Variants in EGFR observed in about 807,000 individuals in gnomAD.
EGFR encodes epidermal growth factor receptor.
In EGFR, 58 loss-of-function variants were observed where a neutral mutation model predicts 143.0. The ratio of observed to expected loss-of-function variants is 0.41; its 90% confidence interval spans 0.33 to 0.50. EGFR has a LOEUF of 0.50. EGFR is among the 20% of genes least tolerant of loss of function. The probability of loss-of-function intolerance (pLI) is 0.39; values close to 1 mark genes in which losing one functional copy is unlikely to be tolerated. For synonymous variants in EGFR, 613 were observed against 594.4 expected, an observed-to-expected ratio of 1.03 and a Z score of -0.45; for missense variants, 1,307 against 1,579.0, an observed-to-expected ratio of 0.83 and a Z score of 2.92.
chr7:55,051,917 T>A (rs181012738), intron 1 of EGFR, among the ~76,000 whole-genome samples: 1 of 152,330 alleles, frequency 6.6e-6, no homozygotes, highest in Admixed American at 6.5e-5. Context: ...TTCCTTCTCA[T>A]CTTGCAGAAT....
At chr7:55,036,290 G>C (rs1289062886) in intron 1 of EGFR, among the ~76,000 whole-genome samples, 2 of 121,456 alleles carry the variant, frequency 1.6e-5, no homozygotes, top group Admixed American at 8.7e-5. Context: ...GGGGGTGGGT[G>C]TGTGTGTGTA....
intron 2 of EGFR, 25 bp from the exon 3 acceptor site, chr7:55,143,280 A>T (rs1794569920): frequency 6.2e-7 from 1 of 1,613,950 alleles, no homozygotes; most frequent in Non-Finnish European, 8.5e-7. Flanking sequence ...AAGAGAAATC[A>T]CGCATTTATG....
chr7:55,102,318 A>G (rs1791880043), intron 1 of EGFR, among the ~76,000 whole-genome samples: 1 of 152,064 alleles, frequency 6.6e-6, no homozygotes, highest in African/African-American at 2.4e-5. Flanking sequence ...CCCTCCAGGA[A>G]CCCCAGCCAC....
At chr7:55,130,759 C>T (rs1470316340) in intron 1 of EGFR, among the ~76,000 whole-genome samples, 3 of 152,216 alleles carry the variant, frequency 2.0e-5, no homozygotes. Context: ...GTTCTGAGAG[C>T]ATGCTGGGTT....
At chr7:55,129,296 G>T (rs1222807930) in intron 1 of EGFR, among the ~76,000 whole-genome samples, 3 of 152,226 alleles carry the variant, frequency 2.0e-5, no homozygotes, top group Non-Finnish European at 4.4e-5. Context: ...CGGGGAATCT[G>T]CAGGAAAGCA....
chr7:55,167,273 TGATGGTGGTGAG>T (rs1163462454), intron 15 of EGFR, among the ~76,000 whole-genome samples: 4 of 138,644 alleles, frequency 2.9e-5, no homozygotes, highest in African/African-American at 1.2e-4. Flanking sequence ...GTGATGGTGG[TGATGGTGGTGAG>T]GAGGTGGGAG....
chr7:55,137,836 G>A (rs1584132131), intron 1 of EGFR, among the ~76,000 whole-genome samples: 2 of 152,164 alleles, frequency 1.3e-5, no homozygotes, highest in Admixed American at 6.5e-5. Flanking sequence ...GGCAGGGATC[G>A]ACTGGGAGGG....
At position 55,173,046 on chromosome 7, in the gene EGFR, C is replaced by T. The variant is rs2128952511; in HGVS notation, c.1983C>T (p.Ala661=). The change falls in exon 17 of 28, where the codon GCC becomes GCT. Residue 661 remains alanine, a synonymous_variant. Coordinates refer to ENST00000275493, the MANE Select transcript of EGFR (RefSeq NM_005228.5). ...CCCTCCTCTTGCTGCTGGTGGTGGC[C>T]CTGGGGATCGGCCTCTTCATGCGAA... ...VGALLLLLVV[A]LGIGLFMRRR... is the part of the protein sequence containing the mutation. 6.2e-7 allele frequency: 1 copy of T among 1,613,930 alleles called. No individual in the cohort carries two copies. Among genetic ancestry groups the T allele is most frequent in the Non-Finnish European group, 8.5e-7 (1 of 1,180,020 alleles).
rs11980564 is a variant in EGFR, at chr7:55,067,677, T to A, written c.88+48312T>A. Reference sequence around the variant, plus strand: ...GGAAATATTTTTAAATTTTAAAATATTTAATTGACAAATAAAAATTGTGTA... The same window carrying A: ...GGAAATATTTTTAAATTTTAAAATAATTAATTGACAAATAAAAATTGTGTA... On this transcript the variant is annotated intron_variant, in intron 1 of 27. Coordinates refer to ENST00000275493, the MANE Select transcript of EGFR (RefSeq NM_005228.5). 1.9e-3 allele frequency among the ~76,000 whole-genome samples: 295 copies of A among 151,678 alleles called. 19 individuals carry two copies. Among genetic ancestry groups the A allele is most frequent in the African/African-American group, 7.0e-3 (287 of 40,912 alleles).
chr7:55,085,020 G>A (rs1056193050), intron 1 of EGFR, among the ~76,000 whole-genome samples: 8 of 152,118 alleles, frequency 5.3e-5, no homozygotes, highest in African/African-American at 1.7e-4. Flanking sequence ...AATGACCTAC[G>A]GAATGGTACG....
intron 14 of EGFR, 77 bp downstream of exon 14, chr7:55,163,900 A>C: frequency 6.7e-7 from 1 of 1,502,972 alleles, no homozygotes; most frequent in Non-Finnish European, 9.3e-7. Context: ...ATGATGGCCC[A>C]GGGCATCCTG....
At chr7:55,065,283 G>A (rs1369197575) in intron 1 of EGFR, among the ~76,000 whole-genome samples, 1 of 152,154 alleles carries the variant, frequency 6.6e-6, no homozygotes, top group Non-Finnish European at 1.5e-5. Context: ...AGGGAGGAGA[G>A]GGGTGGACGA....
chr7:55,070,834 TC>T (rs1789780426), intron 1 of EGFR, among the ~76,000 whole-genome samples: 1 of 152,184 alleles, frequency 6.6e-6, no homozygotes, highest in African/African-American at 2.4e-5. Flanking sequence ...TTTGTCTCCT[TC>T]CCCTATACCA....
chr7:55,074,256 T>C (rs972823420), intron 1 of EGFR, among the ~76,000 whole-genome samples: 1 of 152,240 alleles, frequency 6.6e-6, no homozygotes. Flanking sequence ...CCATGAGTCC[T>C]GTCCAGGTCC....
At chr7:55,187,169 G>T (rs1787175547) in intron 20 of EGFR, among the ~76,000 whole-genome samples, 1 of 152,226 alleles carries the variant, frequency 6.6e-6, no homozygotes, top group South Asian at 2.1e-4. Flanking sequence ...CAAGCACATG[G>T]AGCCTCATCA....
intron 18 of EGFR, 32 bp downstream of exon 18, chr7:55,174,075 G>T (rs775933564): frequency 6.2e-7 from 1 of 1,613,900 alleles, no homozygotes; most frequent in Non-Finnish European, 8.5e-7. Context: ...TCTGGGCTGG[G>T]CCGCAGGGCC....
At chr7:55,202,284 T>C (rs991790245) in intron 26 of EGFR, among the ~76,000 whole-genome samples, 1 of 152,198 alleles carries the variant, frequency 6.6e-6, no homozygotes, top group Non-Finnish European at 1.5e-5. Context: ...GCACCGCTCA[T>C]AGCACACCTC....
intron 2 of EGFR, among the ~76,000 whole-genome samples, chr7:55,142,660 G>A (rs1794527035): frequency 6.6e-6 from 1 of 152,212 alleles, no homozygotes; most frequent in African/African-American, 2.4e-5. Flanking sequence ...GGAGTTCCAT[G>A]TCATCATAGA....
chr7:55,136,582 CACACAT>C (rs1303641416), intron 1 of EGFR, among the ~76,000 whole-genome samples: 2 of 152,246 alleles, frequency 1.3e-5, no homozygotes, highest in Non-Finnish European at 2.9e-5. Context: ...CACACACACA[CACACAT>C]CCTTACAGAC....
Sources: allele counts gnomAD v4.1 joint callset (sites outside exome capture counted in the v4.1 genomes callset), GRCh38; gene constraint gnomAD v4.1.1; transcripts MANE v1.5; gene names NCBI Gene and HGNC (gene_info 2026-07-23, HGNC 2026-07-21).